Variants in KCNAB1 observed in about 807,000 individuals in gnomAD.
KCNAB1 encodes voltage-gated potassium channel subunit beta-1.
KCNAB1 carries 35 observed loss-of-function variants against 64.6 expected under a neutral mutation model. That is an observed-to-expected ratio of 0.54 (90% CI 0.41 to 0.72). The LOEUF is 0.72. Among genes scored for constraint, KCNAB1 ranks in the 30% least tolerant of loss-of-function variants. The pLI is 0.00. For missense variants in KCNAB1, 401 were observed against 512.9 expected, an observed-to-expected ratio of 0.78 and a Z score of 2.11; for synonymous variants, 177 against 183.8, an observed-to-expected ratio of 0.96 and a Z score of 0.30.
intron 1 of KCNAB1, among the ~76,000 whole-genome samples, chr3:156,252,871 A>G (rs1717912208): frequency 6.6e-6 from 1 of 152,218 alleles, no homozygotes; most frequent in South Asian, 2.1e-4. Flanking sequence ...GGGCTGTGTG[A>G]ACAAGAAAGC....
chr3:156,143,479 T>C lies in KCNAB1; in HGVS notation c.275+22593T>C, dbSNP rs1212411785. ...ACTGCACTGATGTCAAAGGTTGTTA[T>C]TAAAGAAATAAGGACTGAAATAGCA... On this transcript the variant is annotated intron_variant, in intron 1 of 13. Transcript: ENST00000490337. 7 of 1,207,956 alleles carry C rather than the reference T, an allele frequency of 5.8e-6. No homozygotes were observed. The African/African-American group carries it at 1.1e-4, about 19-fold the overall frequency. The allele number at this position is 1,207,956 out of a possible 1,614,324, so 74.8% of individuals were successfully genotyped here. A position where few individuals can be genotyped will look rare whatever the true frequency, so the allele number is the denominator to read the frequency against.
At chr3:156,284,530 T>C (rs544809318) in intron 1 of KCNAB1, among the ~76,000 whole-genome samples, 2 of 152,228 alleles carry the variant, frequency 1.3e-5, no homozygotes, top group African/African-American at 4.8e-5. Context: ...GTTTACCTAA[T>C]CAAGCCTGGG....
In KCNAB1 at chr3:156,380,185, C is replaced by T. The variant is rs188858052; in HGVS notation, c.276-41431C>T. Among the ~76,000 whole-genome samples, 54 of 152,266 alleles carry T rather than the reference C, an allele frequency of 3.5e-4. 2 individuals are homozygous for T. The highest frequency in any genetic ancestry group is 3.5e-3 in the South Asian group (17 of 4,826). On this transcript the variant is annotated intron_variant, in intron 1 of 13. Coordinates refer to ENST00000490337, the MANE Select transcript of KCNAB1 (RefSeq NM_172160.3). ...CTAAACAAACCTGATCCTTCTCCAG[C>T]GCCTTCCCCTCTATCTTCCATTGCC...
intron 1 of KCNAB1, among the ~76,000 whole-genome samples, chr3:156,250,904 T>G (rs186791655): frequency 6.6e-6 from 1 of 152,380 alleles, no homozygotes; most frequent in East Asian, 1.9e-4. Flanking sequence ...CATTGGCAAT[T>G]GATTTTATGA....
chr3:156,507,018 G>A (rs1351531417), intron 8 of KCNAB1, among the ~76,000 whole-genome samples: 1 of 152,178 alleles, frequency 6.6e-6, no homozygotes, highest in Admixed American at 6.5e-5. Flanking sequence ...AACACACAAT[G>A]AGGTGAATTA....
chr3:156,430,298 G>A (rs1308395451), intron 2 of KCNAB1, among the ~76,000 whole-genome samples: 1 of 152,212 alleles, frequency 6.6e-6, no homozygotes, highest in African/African-American at 2.4e-5. Flanking sequence ...TCTGTACACA[G>A]AGGGGTTTAT....
rs1048596765 is a variant in KCNAB1, at chr3:156,291,795, G to A, written c.276-129821G>A. On this transcript the variant is annotated intron_variant, in intron 1 of 13. Coordinates refer to ENST00000490337, the MANE Select transcript of KCNAB1 (RefSeq NM_172160.3). ...ACTCCTCTGACGGCATCCCCAGGAA[G>A]GGGGAGCAAGGAGGGCTTAAAAGAA... 7.1e-6 allele frequency: 11 copies of A among 1,541,896 alleles called. No homozygotes were observed. The African/African-American group carries it at 1.5e-4, about 21-fold the overall frequency.
chr3:156,183,101 C>T (rs1382529531), intron 1 of KCNAB1, among the ~76,000 whole-genome samples: 3 of 151,880 alleles, frequency 2.0e-5, no homozygotes, highest in Non-Finnish European at 2.9e-5. Flanking sequence ...AAATGTTGGA[C>T]GTCATGGAGA....
chr3:156,194,934 C>G (rs567361808), intron 1 of KCNAB1, among the ~76,000 whole-genome samples: 2 of 152,208 alleles, frequency 1.3e-5, no homozygotes, highest in South Asian at 4.2e-4. Context: ...TCTCCCTCTC[C>G]TTTCCCCCCA....
intron 1 of KCNAB1, among the ~76,000 whole-genome samples, chr3:156,280,444 A>G (rs778035155): frequency 1.5e-4 from 22 of 151,462 alleles, no homozygotes; most frequent in African/African-American, 4.6e-4. Flanking sequence ...TTGCCTTGGC[A>G]ATGCGGGCTC....
intron 1 of KCNAB1, among the ~76,000 whole-genome samples, chr3:156,359,255 A>C (rs1725452142): frequency 6.6e-6 from 1 of 152,110 alleles, no homozygotes; most frequent in Non-Finnish European, 1.5e-5. Context: ...TTTCTCTATT[A>C]GCTTATGCTT....
intron 1 of KCNAB1, among the ~76,000 whole-genome samples, chr3:156,166,650 A>T (rs546918193): frequency 6.6e-6 from 1 of 152,258 alleles, no homozygotes; most frequent in Admixed American, 6.5e-5. Flanking sequence ...CTTTTAAAGC[A>T]TTTCCAGATT....
rs544928814 is a variant in KCNAB1 at position 156,486,042 on chromosome 3, G to A, written c.658+11222G>A. The stretch of plus-strand genomic sequence containing the variant: ...AGGTTGATCACTCGATTCAAGTGAT[G>A]TCTGCCAGGTTTCTCCCCTGTGACA... On this transcript the variant is annotated intron_variant, in intron 8 of 13. Transcript: ENST00000490337. Among the ~76,000 whole-genome samples, 10 of 152,206 alleles carry A rather than the reference G, an allele frequency of 6.6e-5. No individual in the cohort carries two copies. In the South Asian group the frequency reaches 2.1e-3, roughly 32 times the overall value.
chr3:156,238,127 T>G (rs1716950056), intron 1 of KCNAB1, among the ~76,000 whole-genome samples: 1 of 152,064 alleles, frequency 6.6e-6, no homozygotes, highest in Non-Finnish European at 1.5e-5. Context: ...GCAGGATGTT[T>G]AAAAATGGGT....
Position 156,443,364 on chromosome 3 carries a change from G to C in KCNAB1, c.320-9535G>C, listed in dbSNP as rs1382342022. Among the ~76,000 whole-genome samples the C allele has an allele frequency of 1.2e-4, 19 of 152,040 alleles. 1 individual carries two copies. Among genetic ancestry groups the C allele is most frequent in the Admixed American group, 1.2e-3 (19 of 15,274 alleles). On this transcript the variant is annotated intron_variant, in intron 2 of 13. Coordinates refer to ENST00000490337, the MANE Select transcript of KCNAB1 (RefSeq NM_172160.3). Reference sequence around the variant, plus strand: ...TGTTACAAGCATTTAGAGCAAACCTGGGCCATACCATTTGGCTGGAATAGA... The same window carrying C: ...TGTTACAAGCATTTAGAGCAAACCTCGGCCATACCATTTGGCTGGAATAGA...
chr3:156,510,679 C>A (rs1717147655), intron 8 of KCNAB1, among the ~76,000 whole-genome samples: 1 of 152,232 alleles, frequency 6.6e-6, no homozygotes, highest in Non-Finnish European at 1.5e-5. Context: ...ACATCACTGA[C>A]ACTGAAGCTG....
chr3:156,443,739 T>TACAC (rs71141708), intron 2 of KCNAB1, among the ~76,000 whole-genome samples: 13,007 of 141,690 alleles, frequency 0.092, 669 homozygotes, highest in African/African-American at 0.16. Context: ...ATTTAGTCCT[T>TACAC]ACACACACAC....
In KCNAB1 at chr3:156,156,096, A is replaced by G. The variant is rs138100026; in HGVS notation, c.275+35210A>G. Among the ~76,000 whole-genome samples the G allele has an allele frequency of 3.2e-3, 493 of 152,220 alleles. 3 individuals carry two copies. The highest frequency in any genetic ancestry group is 0.011 in the African/African-American group (459 of 41,528). On this transcript the variant is annotated intron_variant, in intron 1 of 13. Coordinates refer to ENST00000490337, the MANE Select transcript of KCNAB1 (RefSeq NM_172160.3). ...GTTCAGGCTGATACAATGTGGCCCA[A>G]GACTCCCACCATAAATTAAATACTT... is the stretch of plus-strand genomic sequence containing the variant.
At chr3:156,476,584 T>TATAC in intron 8 of KCNAB1, among the ~76,000 whole-genome samples, 1 of 148,636 alleles carries the variant, frequency 6.7e-6, no homozygotes, top group African/African-American at 2.6e-5. Flanking sequence ...CACACATATA[T>TATAC]ACACACACAC....
Sources: allele counts gnomAD v4.1 joint callset (sites outside exome capture counted in the v4.1 genomes callset), GRCh38; gene constraint gnomAD v4.1.1; transcripts MANE v1.5; gene names NCBI Gene and HGNC (gene_info 2026-07-23, HGNC 2026-07-21).